KDELR3: variants seen among roughly 807,000 people sequenced by gnomAD.
KDELR3 encodes ER lumen protein-retaining receptor 3.
A neutral mutation model predicts 22.7 loss-of-function variants in KDELR3; 26 were observed. The ratio of observed to expected loss-of-function variants is 1.15; its 90% CI spans 0.84 to 1.59. The LOEUF is 1.59. Ranked by LOEUF, KDELR3 falls within the 40% of genes most tolerant of loss-of-function variation. The probability of loss-of-function intolerance (pLI) is 0.00; values close to 1 mark genes in which losing one functional copy is unlikely to be tolerated. For missense variants in KDELR3, 289 were observed against 251.1 expected (o/e 1.15, Z -1.02); for synonymous variants, 120 against 98.2 (o/e 1.22, Z -1.31).
chr22:38,469,269 G>C (rs923310079), intron 1 of KDELR3, among the ~76,000 whole-genome samples: 2 of 152,242 alleles, frequency 1.3e-5, no homozygotes, highest in African/African-American at 4.8e-5. Context: ...AGCCAGATTT[G>C]GGGTGGTCTG....
Position 38,481,337 on chromosome 22 carries a change from G to T in KDELR3, c.477G>T (p.Arg159=). 1 of 1,614,112 alleles carries T rather than the reference G, an allele frequency of 6.2e-7. No homozygotes were observed. The highest frequency in any genetic ancestry group is 8.5e-7 in the Non-Finnish European group (1 of 1,180,022). ...THYLFFLGLY[R]ALYLANWIRR... Reference sequence around the variant, plus strand: ...ACCTGTTCTTTCTGGGTCTGTACCGGGCACTCTACCTGGCTAACTGGATCA... The same window carrying T: ...ACCTGTTCTTTCTGGGTCTGTACCGTGCACTCTACCTGGCTAACTGGATCA... Residue 159 remains arginine, a synonymous_variant, in exon 4 of 5, where the codon CGG becomes CGT. Coordinates refer to ENST00000216014, the MANE Select transcript of KDELR3 (RefSeq NM_006855.4).
At chr22:38,469,030 G>T (rs2089506978) in intron 1 of KDELR3, among the ~76,000 whole-genome samples, 1 of 152,262 alleles carries the variant, frequency 6.6e-6, no homozygotes, top group Admixed American at 6.5e-5. Context: ...TGCCCTCCCT[G>T]TGCCTGGCAC....
chr22:38,481,705 T>C, intron 4 of KDELR3: 1 of 1,312,044 alleles, frequency 7.6e-7, no homozygotes, highest in East Asian at 2.7e-5. Flanking sequence ...AATACTTGGT[T>C]AGTAGTGAAA....
chr22:38,475,682 AGCAGC>A (rs1459036234), intron 2 of KDELR3, among the ~76,000 whole-genome samples: 9 of 152,160 alleles, frequency 5.9e-5, no homozygotes, highest in Non-Finnish European at 8.8e-5. Context: ...GCTGGAGTGC[AGCAGC>A]GCAATCTCAG....
intron 4 of KDELR3, among the ~76,000 whole-genome samples, chr22:38,482,212 C>T (rs1044194364): frequency 6.6e-6 from 1 of 152,166 alleles, no homozygotes; most frequent in East Asian, 1.9e-4. Flanking sequence ...CATGTGGACA[C>T]AAGTTCTAGG....
intron 2 of KDELR3, among the ~76,000 whole-genome samples, chr22:38,476,869 C>A (rs992549812): frequency 8.0e-6 from 1 of 125,354 alleles, no homozygotes; most frequent in Non-Finnish European, 1.7e-5. Context: ...TGCAGTGGCA[C>A]GATCTTGGCT....
intron 3 of KDELR3, 78 bp from the exon 4 acceptor site, chr22:38,481,134 G>A (rs2089596592): frequency 7.0e-6 from 9 of 1,281,324 alleles, no homozygotes; most frequent in Non-Finnish European, 9.8e-6. Context: ...GCAAGCTATT[G>A]TTTTAGTAAT....
chr22:38,472,175 C>G (rs1195084787), intron 1 of KDELR3, among the ~76,000 whole-genome samples: 6 of 152,040 alleles, frequency 3.9e-5, no homozygotes, highest in Non-Finnish European at 7.4e-5. Context: ...CTGTTTCTTC[C>G]ATCTGATAAC....
intron 1 of KDELR3, among the ~76,000 whole-genome samples, chr22:38,469,592 G>C (rs1197656834): frequency 1.3e-5 from 2 of 152,114 alleles, no homozygotes; most frequent in East Asian, 3.9e-4. Context: ...CCTCAGGGGA[G>C]GTGGCCAGGA....
intron 2 of KDELR3, among the ~76,000 whole-genome samples, chr22:38,477,574 CAT>C (rs1294637877): frequency 6.6e-6 from 1 of 152,198 alleles, no homozygotes; most frequent in Non-Finnish European, 1.5e-5. Flanking sequence ...GAGAAGATCA[CAT>C]GAGATAACAT....
intron 1 of KDELR3, among the ~76,000 whole-genome samples, chr22:38,471,660 G>A (rs1251387790): frequency 6.6e-6 from 1 of 152,092 alleles, no homozygotes; most frequent in Non-Finnish European, 1.5e-5. Context: ...GTTCCTTCTT[G>A]CTCATTAAAA....
chr22:38,479,651 A>C lies in KDELR3; in HGVS notation c.251A>C (p.Lys84Thr). Residue 84 changes from lysine to threonine, a missense_variant, in exon 3 of 5, where the codon AAA becomes ACA. Transcript: ENST00000216014. ...TACATGATATATGGGAAATTCCGTA[A>C]AACTTTTGACAGTGAGAATGACACA... The part of the protein sequence containing the change: ...TVYMIYGKFR[K>T]TFDSENDTFR... 2 of 1,614,084 alleles carry C rather than the reference A, an allele frequency of 1.2e-6. No homozygotes were observed. Among genetic ancestry groups the C allele is most frequent in the Non-Finnish European group, 1.7e-6 (2 of 1,179,948 alleles).
rs2089614010 is a variant in KDELR3 at position 38,482,762 on chromosome 22, A to T, written c.*226A>T. 2 of 538,020 alleles carry T rather than the reference A, an allele frequency of 3.7e-6. No individual in the cohort carries two copies. Among genetic ancestry groups the T allele is most frequent in the Non-Finnish European group, 6.6e-6 (2 of 304,658 alleles). The allele number at this position is 538,020 out of a possible 1,614,324, so 33.3% of individuals were successfully genotyped here. A position where few individuals can be genotyped will look rare whatever the true frequency, so the allele number is the denominator to read the frequency against. The stretch of plus-strand genomic sequence containing the variant: ...TAAAAAACCTCGGCCACCTGCACAA[A>T]GATGGTGCCTCACTGCAACAAGAAA... On this transcript the variant is annotated 3_prime_UTR_variant, in exon 5 of 5. Coordinates refer to ENST00000216014, the MANE Select transcript of KDELR3 (RefSeq NM_006855.4).
intron 3 of KDELR3, among the ~76,000 whole-genome samples, chr22:38,480,467 AATTATGAT>A (rs2089591649): frequency 6.6e-6 from 1 of 152,122 alleles, no homozygotes; most frequent in Non-Finnish European, 1.5e-5. Context: ...CTGTGGCTTC[AATTATGAT>A]TTTATACTAT....
At chr22:38,478,518 G>C (rs1034638951) in intron 2 of KDELR3, among the ~76,000 whole-genome samples, 2 of 104,740 alleles carry the variant, frequency 1.9e-5, no homozygotes, top group African/African-American at 3.4e-5. Flanking sequence ...CTGGGCGACA[G>C]AGCGAGACTC....
chr22:38,471,462 C>T (rs1276038914), intron 1 of KDELR3, among the ~76,000 whole-genome samples: 1 of 152,204 alleles, frequency 6.6e-6, no homozygotes, highest in Non-Finnish European at 1.5e-5. Flanking sequence ...CTGTTGCCCT[C>T]ACCCCGGCTA....
intron 1 of KDELR3, among the ~76,000 whole-genome samples, chr22:38,469,824 T>C (rs2089513549): frequency 6.6e-6 from 1 of 152,202 alleles, no homozygotes; most frequent in South Asian, 2.1e-4. Context: ...TTATTTATTT[T>C]TTATTTTTAT....
At chr22:38,480,625 C>A (rs1040203783) in intron 3 of KDELR3, among the ~76,000 whole-genome samples, 6 of 151,678 alleles carry the variant, frequency 4.0e-5, no homozygotes, top group Non-Finnish European at 8.8e-5. Context: ...TGGTGGCAGG[C>A]GCCTGTAGTC....
intron 3 of KDELR3, among the ~76,000 whole-genome samples, chr22:38,480,555 G>A (rs1396665953): frequency 6.6e-6 from 1 of 151,870 alleles, no homozygotes; most frequent in East Asian, 1.9e-4. Flanking sequence ...AGACCATCCT[G>A]GCTAACACAG....
Sources: gnomAD v4.1 joint callset for allele counts (sites outside exome capture counted in the v4.1 genomes callset) on GRCh38, gnomAD v4.1.1 for gene constraint, MANE v1.5 for transcripts, NCBI Gene and HGNC (gene_info 2026-07-23, HGNC 2026-07-21) for gene names.